The following LDLRAD3 variants were observed in gnomAD, a reference collection of about 807,000 sequenced individuals.
LDLRAD3 encodes the protein low-density lipoprotein receptor class A domain-containing protein 3.
In LDLRAD3, 20 loss-of-function variants were observed where a neutral mutation model predicts 29.4. That is an observed-to-expected ratio of 0.68 (90% confidence interval 0.48 to 0.99). LDLRAD3 has a LOEUF of 0.99. Among genes scored for constraint, LDLRAD3 ranks in the 50% least tolerant of loss-of-function variants. The probability of loss-of-function intolerance (pLI) is 0.00; values close to 1 mark genes in which losing one functional copy is unlikely to be tolerated. For synonymous variants in LDLRAD3, 157 were observed against 192.7 expected (o/e 0.81, Z 1.53); for missense variants, 420 against 454.3 (o/e 0.92, Z 0.69).
At chr11:35,976,544 C>G (rs1157204543) in intron 1 of LDLRAD3, among the ~76,000 whole-genome samples, 4 of 152,160 alleles carry the variant, frequency 2.6e-5, no homozygotes, top group African/African-American at 7.2e-5. Flanking sequence ...TAGACACAGT[C>G]AGGAAGGGGA....
chr11:36,055,082 G>A (rs1375647610), intron 2 of LDLRAD3, among the ~76,000 whole-genome samples: 1 of 9,060 alleles, frequency 1.1e-4, no homozygotes, highest in South Asian at 4.2e-3. Flanking sequence ...TAGATGGATG[G>A]ATGGATGGAT....
chr11:35,956,746 A>AT (rs930648154), intron 1 of LDLRAD3, among the ~76,000 whole-genome samples: 2 of 151,940 alleles, frequency 1.3e-5, no homozygotes, highest in East Asian at 1.9e-4. Context: ...TATTTTATTT[A>AT]TTTTTTTTGA....
rs937603114 is a variant in LDLRAD3 at position 36,158,081 on chromosome 11, T to C, written c.454+59620T>C. Among the ~76,000 whole-genome samples the C allele has an allele frequency of 7.9e-5, 12 of 152,332 alleles. No homozygotes were observed. The Middle Eastern group carries it at 0.01, about 130-fold the overall frequency. On this transcript the variant is annotated intron_variant, in intron 4 of 5. Transcript: ENST00000315571. The stretch of plus-strand genomic sequence containing the variant: ...TTTAATACATTCTATTCCCTTCTTT[T>C]CGTTTTATGCTGGCCCTGACCCACT...
intron 2 of LDLRAD3, among the ~76,000 whole-genome samples, chr11:36,046,755 C>A (rs1852455870): frequency 2.0e-5 from 3 of 152,176 alleles, no homozygotes; most frequent in Non-Finnish European, 2.9e-5. Context: ...TGGTGGTCCC[C>A]AAGCTGTGTG....
At chr11:36,133,959 C>G (rs1415306827) in intron 4 of LDLRAD3, among the ~76,000 whole-genome samples, 1 of 138,428 alleles carries the variant, frequency 7.2e-6, no homozygotes, top group East Asian at 2.1e-4. Context: ...TTCCCTCTTT[C>G]AGATTTCCAA....
intron 2 of LDLRAD3, among the ~76,000 whole-genome samples, chr11:36,064,479 ATTTTTTTT>A (rs34464861): frequency 8.3e-6 from 1 of 120,608 alleles, no homozygotes; most frequent in African/African-American, 3.1e-5. Context: ...TGGCTAATTA[ATTTTTTTT>A]TTTTTTTTTT....
chr11:36,104,743 G>A (rs1382341260), intron 4 of LDLRAD3, among the ~76,000 whole-genome samples: 3 of 152,078 alleles, frequency 2.0e-5, no homozygotes, highest in South Asian at 2.1e-4. Flanking sequence ...GGTCTAGTCC[G>A]CACAGGGAGC....
chr11:36,167,645 G>A (rs369439567), intron 4 of LDLRAD3, among the ~76,000 whole-genome samples: 3 of 152,172 alleles, frequency 2.0e-5, no homozygotes, highest in Non-Finnish European at 2.9e-5. Context: ...CACCAGCAGC[G>A]AGGAAGAGAC....
chr11:35,963,743 A>G (rs1464469725), intron 1 of LDLRAD3, among the ~76,000 whole-genome samples: 1 of 152,204 alleles, frequency 6.6e-6, no homozygotes, highest in Admixed American at 6.5e-5. Context: ...TTTTTAAATG[A>G]CCTGTTTGGT....
At chr11:36,024,474 A>G (rs956629376) in intron 1 of LDLRAD3, among the ~76,000 whole-genome samples, 8 of 152,150 alleles carry the variant, frequency 5.3e-5, no homozygotes, top group African/African-American at 1.7e-4. Flanking sequence ...AGGGTAGCTC[A>G]CTTGTCTGAA....
chr11:36,073,678 G>A (rs1852946131), intron 2 of LDLRAD3, among the ~76,000 whole-genome samples: 1 of 152,278 alleles, frequency 6.6e-6, no homozygotes, highest in South Asian at 2.1e-4. Flanking sequence ...AACAGGACAG[G>A]CTTCCCTGAC....
At chr11:36,122,751 G>T (rs1268462362) in intron 4 of LDLRAD3, among the ~76,000 whole-genome samples, 1 of 152,106 alleles carries the variant, frequency 6.6e-6, no homozygotes, top group African/African-American at 2.4e-5. Flanking sequence ...TGGTGTGATG[G>T]TTCATGCCTG....
chr11:36,146,921 C>T (rs1038015944), intron 4 of LDLRAD3, among the ~76,000 whole-genome samples: 1 of 151,614 alleles, frequency 6.6e-6, no homozygotes, highest in Non-Finnish European at 1.5e-5. Flanking sequence ...TCCTGAATAG[C>T]TGAGACTACA....
chr11:36,017,676 G>C (rs1460338459), intron 1 of LDLRAD3, among the ~76,000 whole-genome samples: 1 of 151,794 alleles, frequency 6.6e-6, no homozygotes, highest in African/African-American at 2.4e-5. Flanking sequence ...TTACAGTCGT[G>C]CACCCCCATG....
intron 1 of LDLRAD3, among the ~76,000 whole-genome samples, chr11:35,968,850 G>T (rs150479889): frequency 4.2e-4 from 64 of 152,252 alleles, no homozygotes; most frequent in Non-Finnish European, 8.2e-4. Flanking sequence ...CACAACTCTA[G>T]CCTGCCTTTC....
intron 2 of LDLRAD3, among the ~76,000 whole-genome samples, chr11:36,049,923 A>T (rs118162002): frequency 8.5e-5 from 13 of 152,208 alleles, no homozygotes; most frequent in Admixed American, 2.0e-4. Flanking sequence ...TCTGAAGACC[A>T]TCTTGGCTCC....
At chr11:35,960,213 A>G (rs1004687308) in intron 1 of LDLRAD3, among the ~76,000 whole-genome samples, 1 of 152,162 alleles carries the variant, frequency 6.6e-6, no homozygotes, top group Non-Finnish European at 1.5e-5. Context: ...TTCTATCCAC[A>G]TTGCCACATA....
intron 4 of LDLRAD3, among the ~76,000 whole-genome samples, chr11:36,114,379 C>T (rs1853646739): frequency 6.6e-6 from 1 of 152,158 alleles, no homozygotes; most frequent in African/African-American, 2.4e-5. Flanking sequence ...GTCTCCTTTG[C>T]CCCAAATGTC....
chr11:36,027,252 T>C (rs1205051301), intron 1 of LDLRAD3, among the ~76,000 whole-genome samples: 4 of 152,178 alleles, frequency 2.6e-5, no homozygotes, highest in Non-Finnish European at 4.4e-5. Context: ...ACAAGTGAGA[T>C]TGAGTATATA....
Sources: gnomAD v4.1 joint callset for allele counts (sites outside exome capture counted in the v4.1 genomes callset) on GRCh38, gnomAD v4.1.1 for gene constraint, MANE v1.5 for transcripts, NCBI Gene and HGNC (gene_info 2026-07-23, HGNC 2026-07-21) for gene names.